The following SCRN1 variants were observed in gnomAD, a reference collection of about 807,000 sequenced individuals.
The protein encoded by SCRN1 is secernin 1.
A neutral mutation model predicts 43.3 loss-of-function variants in SCRN1; 19 were observed. The ratio of observed to expected loss-of-function variants is 0.44; its 90% confidence interval spans 0.31 to 0.64. The LOEUF is 0.64. Among genes scored for constraint, SCRN1 ranks in the 30% least tolerant of loss-of-function variants. SCRN1 has a pLI of 0.09. For synonymous variants in SCRN1, 183 were observed against 188.9 expected, an observed-to-expected ratio of 0.97 and a Z score of 0.26; for missense variants, 447 against 524.1, an observed-to-expected ratio of 0.85 and a Z score of 1.44.
chr7:29,985,099 A>G (rs1789109862), intron 1 of SCRN1, among the ~76,000 whole-genome samples: 1 of 142,470 alleles, frequency 7.0e-6, no homozygotes, highest in Non-Finnish European at 1.5e-5. Flanking sequence ...GCTCTTGTTC[A>G]TCTCATCCTA....
intron 1 of SCRN1, among the ~76,000 whole-genome samples, chr7:29,984,200 T>A (rs1789078490): frequency 1.3e-5 from 1 of 77,000 alleles, no homozygotes; most frequent in African/African-American, 5.5e-5. Flanking sequence ...AGTGAGACAG[T>A]CTCCAAAAAA....
At chr7:29,980,041 T>C (rs1464616072) in intron 1 of SCRN1, among the ~76,000 whole-genome samples, 1 of 152,198 alleles carries the variant, frequency 6.6e-6, no homozygotes, top group Non-Finnish European at 1.5e-5. Flanking sequence ...AAAAGTCAGA[T>C]AGACCCAGAT....
chr7:29,990,083 G>A (rs1583709715), upstream of SCRN1: 5 of 1,539,362 alleles, frequency 3.2e-6, no homozygotes, highest in East Asian at 1.2e-4. Context: ...CAAGGAGCCA[G>A]GCCCAGCATC....
At chr7:29,940,641 A>G in intron 5 of SCRN1, 41 bp downstream of exon 5, 2 of 1,517,096 alleles carry the variant, frequency 1.3e-6, no homozygotes, top group Non-Finnish European at 1.8e-6. Flanking sequence ...TGCAAGAGAA[A>G]GGGTATGAGA....
chr7:29,939,227 A>T (rs1787448809), intron 5 of SCRN1, among the ~76,000 whole-genome samples: 2 of 151,744 alleles, frequency 1.3e-5, no homozygotes, highest in Non-Finnish European at 2.9e-5. Flanking sequence ...TGTTTTTTTT[A>T]AAAAGAGACA....
At chr7:29,977,966 C>T (rs779312583) in intron 1 of SCRN1, among the ~76,000 whole-genome samples, 8 of 152,230 alleles carry the variant, frequency 5.3e-5, no homozygotes, top group Non-Finnish European at 1.2e-4. Context: ...CAAAGCCTAT[C>T]TGTTCAGACT....
intron 2 of SCRN1, among the ~76,000 whole-genome samples, chr7:29,955,638 A>G (rs1471918293): frequency 6.6e-6 from 1 of 152,180 alleles, no homozygotes; most frequent in Admixed American, 6.5e-5. Context: ...TGAACATCCT[A>G]AGCCTGCCCA....
intron 1 of SCRN1, among the ~76,000 whole-genome samples, chr7:29,982,682 CAAAAA>C (rs10538004): frequency 7.7e-5 from 5 of 64,742 alleles, no homozygotes; most frequent in South Asian, 6.4e-4. Flanking sequence ...GACCCTGTCT[CAAAAA>C]AAAAAAAAAA....
At position 29,955,302 on chromosome 7, in the gene SCRN1, G is replaced by C. The variant is rs1788096707; in HGVS notation, c.218C>G (p.Pro73Arg). 6.2e-7 allele frequency: 1 copy of C among 1,613,982 alleles called. No individual in the cohort carries two copies. Among genetic ancestry groups the C allele is most frequent in the African/African-American group, 1.3e-5 (1 of 74,866 alleles). The change falls in exon 3 of 8, where the codon CCC becomes CGC. Residue 73 changes from proline (P) to arginine (R), a missense_variant. By Grantham distance (103) the Pro-to-Arg change is moderately radical. Coordinates refer to ENST00000242059, the MANE Select transcript of SCRN1 (RefSeq NM_014766.5). ...CATTTCTGCTCCCCAGAGCCAGGCG[G>C]GTCTGCTTATCATTATGGCATAGGT... ...PRTYAIMISR[P>R]AWLWGAEMGA...
intron 1 of SCRN1, among the ~76,000 whole-genome samples, chr7:29,975,015 T>C (rs1463141623): frequency 6.6e-6 from 1 of 152,176 alleles, no homozygotes; most frequent in African/African-American, 2.4e-5. Flanking sequence ...AAATTATTCA[T>C]GCATGACACA....
chr7:29,927,546 C>A (rs997845182), intron 6 of SCRN1, among the ~76,000 whole-genome samples: 1 of 152,218 alleles, frequency 6.6e-6, no homozygotes, highest in African/African-American at 2.4e-5. Context: ...CAGGCATGGG[C>A]ACCTCTGCGT....
chr7:29,936,604 C>A lies in SCRN1; in HGVS notation c.857G>T (p.Arg286Ile). 6.2e-7 allele frequency: 1 copy of A among 1,605,768 alleles called. No individual in the cohort carries two copies. Among genetic ancestry groups the A allele is most frequent in the Non-Finnish European group, 8.5e-7 (1 of 1,173,602 alleles). Residue 286 changes from arginine (R) to isoleucine (I), a missense_variant, in exon 6 of 8, where the codon AGA becomes ATA. Physicochemically the swap from Arg to Ile is moderately conservative, Grantham distance 97. Transcript: ENST00000242059. ...ASGVSVLPQN[R>I]SSPCIHYFTG... The stretch of plus-strand genomic sequence containing the variant: ...GAAGTAGTGAATGCACGGAGAGCTT[C>A]TATTCTGCGGCAGGACAGACACTCC...
At chr7:29,940,365 G>T (rs539688922) in intron 5 of SCRN1, among the ~76,000 whole-genome samples, 20 of 152,210 alleles carry the variant, frequency 1.3e-4, no homozygotes, top group Admixed American at 1.2e-3. Context: ...GGAAAGATGA[G>T]TCAAATATAT....
chr7:29,935,746 G>A (rs1417176255), intron 6 of SCRN1, among the ~76,000 whole-genome samples: 6 of 152,230 alleles, frequency 3.9e-5, no homozygotes, highest in Non-Finnish European at 5.9e-5. Flanking sequence ...TGTTCCTGGG[G>A]AGAGGGGCTG....
intron 2 of SCRN1, 101 bp from the exon 3 acceptor site, chr7:29,955,461 A>G: frequency 1.7e-6 from 2 of 1,172,360 alleles, no homozygotes; most frequent in Admixed American, 4.8e-5. Flanking sequence ...TTACAAACAG[A>G]GCCAAAAAAT....
intron 7 of SCRN1, among the ~76,000 whole-genome samples, chr7:29,925,854 CAAAA>C (rs59395122): frequency 7.7e-4 from 65 of 83,968 alleles, no homozygotes; most frequent in African/African-American, 2.6e-3. Flanking sequence ...ACTAAAAATA[CAAAA>C]AAAAAAAAAA....
Position 29,989,702 on chromosome 7 carries a change from A to AGGGTGCGGGTGCTGCC in SCRN1, c.-78_-63dup, listed in dbSNP as rs1789300409. 6.1e-6 allele frequency: 6 copies of AGGGTGCGGGTGCTGCC among 985,514 alleles called. No individual in the cohort carries two copies. Among genetic ancestry groups the AGGGTGCGGGTGCTGCC allele is most frequent in the Non-Finnish European group, 7.2e-6 (6 of 830,260 alleles). 61.0% of individuals were successfully genotyped at this position (985,514 alleles called of 1,614,324 possible). A position where few individuals can be genotyped will look rare whatever the true frequency, so the allele number is the denominator to read the frequency against. On this transcript the variant is annotated 5_prime_UTR_variant, in exon 1 of 8. Coordinates refer to ENST00000242059, the MANE Select transcript of SCRN1 (RefSeq NM_014766.5). ...TGCGGTGCTGAGGCTGCGGCCGCCG[A>AGGGTGCGGGTGCTGCC]GGGTGCGGGTGCTGCCGGGTCCGGA...
rs1024033914 is a variant in SCRN1, at chr7:29,944,053, T to C, written c.468A>G (p.Ala156=). The C allele has an allele frequency of 2.5e-6, 4 of 1,614,258 alleles. No individual in the cohort carries two copies. Among genetic ancestry groups the C allele is most frequent in the Non-Finnish European group, 2.5e-6 (3 of 1,180,042 alleles). The change falls in exon 4 of 8, where the codon GCA becomes GCG. Residue 156 remains alanine, a synonymous_variant. Coordinates refer to ENST00000242059, the MANE Select transcript of SCRN1 (RefSeq NM_014766.5). ...CTTCATCACGATCCACAATCAGATATGCACTTTGGAAGCTGTGGCAGGAGT... is the reference window on the plus strand; with the variant it reads ...CTTCATCACGATCCACAATCAGATACGCACTTTGGAAGCTGTGGCAGGAGT... The part of the protein sequence containing the change: ...DANSCHSFQS[A]YLIVDRDEAW...
At chr7:29,958,950 T>C (rs1380313023) in intron 2 of SCRN1, among the ~76,000 whole-genome samples, 4 of 152,178 alleles carry the variant, frequency 2.6e-5, no homozygotes, top group African/African-American at 9.7e-5. Context: ...CCAGGTTAGG[T>C]TGGAGGATAG....
Sources: gnomAD v4.1 joint callset for allele counts (sites outside exome capture counted in the v4.1 genomes callset) on GRCh38, gnomAD v4.1.1 for gene constraint, MANE v1.5 for transcripts, NCBI Gene and HGNC (gene_info 2026-07-23, HGNC 2026-07-21) for gene names.